ECE1: variants seen among roughly 807,000 people sequenced by gnomAD.
The protein encoded by ECE1 is endothelin converting enzyme 1.
In ECE1, 35 loss-of-function variants were observed where a neutral mutation model predicts 98.6. That is an observed-to-expected ratio of 0.35 (90% CI 0.27 to 0.47). The LOEUF (loss-of-function observed/expected upper bound fraction) is 0.47, where lower values mean the gene tolerates loss of function less well. Among genes scored for constraint, ECE1 ranks in the 20% least tolerant of loss-of-function variants. The probability of loss-of-function intolerance (pLI) is 1.00; values close to 1 mark genes in which losing one functional copy is unlikely to be tolerated. For synonymous variants in ECE1, 394 were observed against 407.1 expected (o/e 0.97, Z 0.39); for missense variants, 814 against 1,025.3 (o/e 0.79, Z 2.81).
chr1:21,248,173 C>CTT (rs150020555), intron 8 of ECE1, among the ~76,000 whole-genome samples: 8 of 144,344 alleles, frequency 5.5e-5, no homozygotes, highest in Non-Finnish European at 9.2e-5. Flanking sequence ...GTCAGCTCTA[C>CTT]TTTTTTTTTT....
chr1:21,292,557 C>T (rs767293137), upstream of ECE1, among the ~76,000 whole-genome samples: 5 of 152,156 alleles, frequency 3.3e-5, no homozygotes, highest in African/African-American at 4.8e-5. Flanking sequence ...TGTTTTGTTT[C>T]CATGTCTTTA....
chr1:21,314,297 C>T (rs536318563), intron 1 of ECE1, among the ~76,000 whole-genome samples: 27 of 152,328 alleles, frequency 1.8e-4, no homozygotes, highest in African/African-American at 6.5e-4. Flanking sequence ...TAGGCCCTTC[C>T]TGGGACACTC....
chr1:21,278,225 A>G (rs921214049), intron 3 of ECE1, among the ~76,000 whole-genome samples: 4 of 152,236 alleles, frequency 2.6e-5, no homozygotes, highest in African/African-American at 9.6e-5. Flanking sequence ...CTAATTCCCC[A>G]TTCTTATTTC....
upstream of ECE1, among the ~76,000 whole-genome samples, chr1:21,291,889 T>C (rs1410422855): frequency 1.3e-5 from 2 of 151,772 alleles, no homozygotes; most frequent in African/African-American, 4.8e-5. Flanking sequence ...CCCAGCACTT[T>C]GGGAGGCTGA....
At chr1:21,284,326 G>A (rs2098258259) in intron 2 of ECE1, among the ~76,000 whole-genome samples, 1 of 152,202 alleles carries the variant, frequency 6.6e-6, no homozygotes, top group African/African-American at 2.4e-5. Flanking sequence ...TCTCAGGAGA[G>A]GGGACTGTGA....
At chr1:21,324,469 C>A (rs1415328399) in intron 1 of ECE1, among the ~76,000 whole-genome samples, 1 of 152,248 alleles carries the variant, frequency 6.6e-6, no homozygotes, top group Non-Finnish European at 1.5e-5. Context: ...GGTTTACTGA[C>A]TTCAGGTCTG....
Position 21,241,611 on chromosome 1 carries a change from C to T in ECE1, c.1279-3367G>A, listed in dbSNP as rs375624216. On this transcript the variant is annotated intron_variant, in intron 10 of 18. Transcript: ENST00000374893. The stretch of plus-strand genomic sequence containing the variant: ...CTATTTTTTGTAGTTTTAGTAGAGG[C>T]GGGCTTTTGCCGTGTTGGCCAGGGT... 3.4e-4 allele frequency among the ~76,000 whole-genome samples: 51 copies of T among 152,058 alleles called. 1 individual carries two copies. Among genetic ancestry groups the T allele is most frequent in the African/African-American group, 1.0e-3 (42 of 41,480 alleles).
Position 21,327,786 on chromosome 1 carries a change from C to T in ECE1, c.3+17590G>A, listed in dbSNP as rs1451659072. The stretch of plus-strand genomic sequence containing the variant: ...ATGGCCTGTTAGGAACCGGGCCGCA[C>T]AGCAGGAGGTGAGCTGTGGGTGGAC... On this transcript the variant is annotated intron_variant, in intron 1 of 18. Coordinates refer to the ECE1 transcript ENST00000415912. The surrounding 1 kb of genome is among the most constrained non-coding windows in gnomAD (Gnocchi z 4.6). 6.6e-6 allele frequency among the ~76,000 whole-genome samples: 1 copy of T among 152,188 alleles called. No homozygotes were observed. The highest frequency in any genetic ancestry group is 2.4e-5 in the African/African-American group (1 of 41,436).
At chr1:21,227,295 G>GAGGGTCACATACC in intron 15 of ECE1, 69 bp from the exon 16 acceptor site, 1 of 1,461,454 alleles carries the variant, frequency 6.8e-7, no homozygotes, top group Non-Finnish European at 9.6e-7. Context: ...GCTCAGGTAT[G>GAGGGTCACATACC]TGACCCTCAC....
At chr1:21,324,956 G>C (rs1030389411) in intron 1 of ECE1, among the ~76,000 whole-genome samples, 2 of 152,228 alleles carry the variant, frequency 1.3e-5, no homozygotes, top group East Asian at 3.8e-4. Flanking sequence ...AATCACGAAA[G>C]AAGGAGAAAA....
intron 14 of ECE1, among the ~76,000 whole-genome samples, chr1:21,228,862 G>A (rs1242611045): frequency 4.8e-3 from 3 of 624 alleles, no homozygotes; most frequent in Admixed American, 0.026. Flanking sequence ...TTTTTTTTGA[G>A]ACGGAGCTCA....
upstream of ECE1, among the ~76,000 whole-genome samples, chr1:21,292,050 G>A (rs982002393): frequency 1.3e-5 from 2 of 151,622 alleles, no homozygotes; most frequent in Non-Finnish European, 2.9e-5. Context: ...CAGCTACTTG[G>A]GAGGCTTAGG....
In ECE1 at chr1:21,257,691, C is replaced by T. The variant is rs1016483854; in HGVS notation, c.763-101G>A. 3.2e-6 allele frequency: 4 copies of T among 1,250,020 alleles called. No individual in the cohort carries two copies. The African/African-American group carries it at 5.9e-5, about 18-fold the overall frequency. 77.4% of individuals were successfully genotyped at this position (1,250,020 alleles called of 1,614,324 possible). On this transcript the variant is annotated intron_variant, in intron 6 of 18. Coordinates refer to ENST00000374893, the MANE Select transcript of ECE1 (RefSeq NM_001397.3). ...AATGGCTGGCACATGGCAGCAGAGG[C>T]CCAGCTCAGGCCCTTGGAGAAGCAG...
intron 10 of ECE1, 43 bp from the exon 11 acceptor site, chr1:21,238,287 T>C: frequency 6.6e-7 from 1 of 1,523,522 alleles, no homozygotes; most frequent in Non-Finnish European, 9.0e-7. Context: ...CCCAGCCCTT[T>C]GTTTCCCAAC....
In ECE1 at chr1:21,217,754, T is replaced by A. The variant is rs74343247; in HGVS notation, c.*2201A>T. ...GCGGCTGGCTTCTGCTTCAGCTACT[T>A]CTCGGGTTCCTGTCTCCTCTGCAGA... On this transcript the variant is annotated 3_prime_UTR_variant, in exon 19 of 19. Coordinates refer to ENST00000374893, the MANE Select transcript of ECE1 (RefSeq NM_001397.3). 2,279 of 152,382 alleles carry A rather than the reference T, an allele frequency of 0.015. 26 individuals carry two copies. Among genetic ancestry groups the A allele is most frequent in the Non-Finnish European group, 0.024 (1,609 of 68,130 alleles). 9.4% of individuals were successfully genotyped at this position (152,382 alleles called of 1,614,324 possible).
intron 14 of ECE1, among the ~76,000 whole-genome samples, chr1:21,231,620 G>A (rs1169658090): frequency 6.6e-6 from 1 of 152,080 alleles, no homozygotes; most frequent in Admixed American, 6.5e-5. Flanking sequence ...GGGATTACCG[G>A]TGTGAGCCCC....
chr1:21,221,726 A>G (rs1558362135), intron 18 of ECE1, 21 bp downstream of exon 18: 1 of 1,611,340 alleles, frequency 6.2e-7, no homozygotes, highest in East Asian at 2.2e-5. Flanking sequence ...CATGTGTGGC[A>G]TGTTTTCCTA....
Position 21,340,566 on chromosome 1 carries a change from C to T in ECE1, c.3+4810G>A, listed in dbSNP as rs572730499. Among the ~76,000 whole-genome samples the T allele has an allele frequency of 1.3e-5, 2 of 152,322 alleles. No individual in the cohort carries two copies. Among genetic ancestry groups the T allele is most frequent in the Admixed American group, 6.5e-5 (1 of 15,302 alleles). On this transcript the variant is annotated intron_variant, in intron 1 of 18. Transcript: ENST00000415912. The surrounding 1 kb of genome is among the most constrained non-coding windows in gnomAD (Gnocchi z 4.6). ...TCTAAACTCCTCAGTAGGCTGGGTG[C>T]GGTGGCTCACACCTGTAATCCCAGC...
intron 9 of ECE1, among the ~76,000 whole-genome samples, chr1:21,245,947 C>T (rs1044373385): frequency 5.9e-5 from 9 of 152,014 alleles, no homozygotes; most frequent in South Asian, 2.1e-4. Flanking sequence ...ACACACATAC[C>T]ACAAGATCAA....
Sources: allele counts gnomAD v4.1 joint callset (sites outside exome capture counted in the v4.1 genomes callset), GRCh38; gene constraint gnomAD v4.1.1; non-coding constraint Gnocchi (gnomAD v3.1); transcripts MANE v1.5; gene names NCBI Gene and HGNC (gene_info 2026-07-23, HGNC 2026-07-21).